MFSD6L: variants seen among roughly 807,000 people sequenced by gnomAD.
MFSD6L encodes the protein major facilitator superfamily domain-containing protein 6-like.
A neutral mutation model predicts 6.4 loss-of-function variants in MFSD6L; 9 were observed. The ratio of observed to expected loss-of-function variants is 1.42; its 90% CI spans 0.85 to 2.47. The LOEUF (loss-of-function observed/expected upper bound fraction) is 2.47. Among genes scored for constraint, MFSD6L ranks in the 30% most tolerant of loss-of-function variants. MFSD6L has a pLI of 0.00. For synonymous variants in MFSD6L, 336 were observed against 322.4 expected, an observed-to-expected ratio of 1.04 and a Z score of -0.45; for missense variants, 747 against 730.6, an observed-to-expected ratio of 1.02 and a Z score of -0.26.
Position 8,797,243 on chromosome 17 carries a change from A to T in MFSD6L, c.*117T>A, listed in dbSNP as rs2087006175. 2.2e-6 allele frequency: 2 copies of T among 906,144 alleles called. No individual in the cohort carries two copies. Among genetic ancestry groups the T allele is most frequent in the Non-Finnish European group, 3.2e-6 (2 of 618,858 alleles). 56.1% of individuals were successfully genotyped at this position (906,144 alleles called of 1,614,324 possible). A position where few individuals can be genotyped will look rare whatever the true frequency, so the allele number is the denominator to read the frequency against. ...CCTGTTGGGCCTTCAGCACAGACCC[A>T]TCCTCTCTTCCCCGGCTCCCAGCAG... is the stretch of plus-strand genomic sequence containing the variant. On this transcript the variant is annotated 3_prime_UTR_variant, in exon 1 of 1. Transcript: ENST00000329805.
rs1330995058 is a variant in MFSD6L at position 8,799,025 on chromosome 17, CG to C, written c.95del (p.Pro32ArgfsTer3). On this transcript the variant is annotated frameshift_variant, in exon 1 of 1. Coordinates refer to ENST00000329805, the MANE Select transcript of MFSD6L (RefSeq NM_152599.4). LOFTEE classifies it low-confidence loss of function (END_TRUNC). The surrounding 1 kb of genome is among the most constrained non-coding windows in gnomAD (Gnocchi z 5.3). ...GCTGCCTCAGGTAAAGGGTCAGGAA[CG>C]GGGTCACGCAGGCTTCCCGCACCCC... ...VCGVREACVT[P>X]FLTLYLRQLG... 6.2e-7 allele frequency: 1 copy of C among 1,613,382 alleles called. No homozygotes were observed. The highest frequency in any genetic ancestry group is 8.5e-7 in the Non-Finnish European group (1 of 1,179,876).
Position 8,797,951 on chromosome 17 carries a change from G to A in MFSD6L, c.1170C>T (p.Phe390=). Residue 390 remains phenylalanine, a synonymous_variant, in exon 1 of 1, where the codon TTC becomes TTT. Coordinates refer to ENST00000329805, the MANE Select transcript of MFSD6L (RefSeq NM_152599.4). ...CGCTCCCATGGTCCTTCATGTGCCA[G>A]AACAGAAAGTTCTGGACAGTACTGA... ...AIVSTVQNFL[F]WHMKDHGSGE... The A allele has an allele frequency of 6.2e-7, 1 of 1,614,008 alleles. No homozygotes were observed.
rs1188874764 is a variant in MFSD6L, at chr17:8,797,575, T to G, written c.1546A>C (p.Met516Leu). The change falls in exon 1 of 1, where the codon ATG becomes CTG. Residue 516 changes from methionine (M) to leucine (L), a missense_variant. Transcript: ENST00000329805. ...TAGAGCACAGCCAGGCTGAAGCGCA[T>G]CACCACGAAGCCCCCGACAAAGCTG... ...LGSFVGGFVVMRFSLAVLYQA... is the reference protein window; with the variant it reads ...LGSFVGGFVVLRFSLAVLYQA... 5.0e-6 allele frequency: 8 copies of G among 1,613,450 alleles called. No individual in the cohort carries two copies. Among genetic ancestry groups the G allele is most frequent in the Non-Finnish European group, 6.8e-6 (8 of 1,179,738 alleles).
rs1208437689 is a variant in MFSD6L at position 8,797,332 on chromosome 17, T to C, written c.*28A>G. 3 of 1,532,870 alleles carry C rather than the reference T, an allele frequency of 2.0e-6. No homozygotes were observed. Among genetic ancestry groups the C allele is most frequent in the African/African-American group, 1.4e-5 (1 of 72,432 alleles). The allele number at this position is 1,532,870 out of a possible 1,614,324, so 95.0% of individuals were successfully genotyped here. The stretch of plus-strand genomic sequence containing the variant: ...TTCAGTCCATTCGTTCCTTGCTGGA[T>C]CAGCACACTCTGGATTTCTCAGCCC... On this transcript the variant is annotated 3_prime_UTR_variant, in exon 1 of 1. Coordinates refer to ENST00000329805, the MANE Select transcript of MFSD6L (RefSeq NM_152599.4).
Position 8,798,469 on chromosome 17 carries a change from C to G in MFSD6L, c.652G>C (p.Gly218Arg). 6.2e-7 allele frequency: 1 copy of G among 1,607,254 alleles called. No homozygotes were observed. Among genetic ancestry groups the G allele is most frequent in the Non-Finnish European group, 8.5e-7 (1 of 1,175,964 alleles). ...TALPLLPGGK[G>R]PGNPANLSGT... ...GACAAATTGGCTGGATTCCCGGGCC[C>G]TTTCCCCCCAGGAAGCAAGGGGAGG... The change falls in exon 1 of 1, where the codon GGG (glycine) becomes CGG (arginine). Residue 218 changes from glycine (G) to arginine (R), a missense_variant. Transcript: ENST00000329805.
In MFSD6L at chr17:8,798,116, T is replaced by C. The variant is rs2087015857; in HGVS notation, c.1005A>G (p.Leu335=). Reference sequence around the variant, plus strand: ...GAATGGGAAAGGCAATGCTCACCAGTAAGGCCAGGGTGCTGACCACCGAGT... The same window carrying C: ...GAATGGGAAAGGCAATGCTCACCAGCAAGGCCAGGGTGCTGACCACCGAGT... ...YGYSVVSTLA[L]LVSIAFPIPI... The change falls in exon 1 of 1, where the codon TTA becomes TTG. Residue 335 remains leucine, a synonymous_variant. Coordinates refer to ENST00000329805, the MANE Select transcript of MFSD6L (RefSeq NM_152599.4). The C allele has an allele frequency of 6.2e-7, 1 of 1,613,844 alleles. No individual in the cohort carries two copies. The highest frequency in any genetic ancestry group is 1.3e-5 in the African/African-American group (1 of 74,974).
At position 8,797,664 on chromosome 17, in the gene MFSD6L, C is replaced by T. The variant is rs2242373; in HGVS notation, c.1457G>A (p.Arg486His). The T allele has an allele frequency of 0.19, 307,631 of 1,613,094 alleles. 30,481 individuals are homozygous for T. The highest frequency in any genetic ancestry group is 0.28 in the South Asian group (25,260 of 91,062). ...CAAGGCACTCAGAGCCCTCTCCATG[C>T]GGGGAGTGGCCAGGTCCTCTACTGA... ...GASVEDLATP[R>H]MERALSALFR... The change falls in exon 1 of 1, where the codon CGC becomes CAC. Residue 486 changes from arginine to histidine, a missense_variant. Coordinates refer to ENST00000329805, the MANE Select transcript of MFSD6L (RefSeq NM_152599.4).
chr17:8,797,973 C>G lies in MFSD6L; in HGVS notation c.1148G>C (p.Ser383Thr). The G allele has an allele frequency of 6.2e-7, 1 of 1,614,012 alleles. No homozygotes were observed. Among genetic ancestry groups the G allele is most frequent in the Non-Finnish European group, 8.5e-7 (1 of 1,180,028 alleles). Residue 383 changes from serine to threonine, a missense_variant, in exon 1 of 1, where the codon AGT (serine) becomes ACT (threonine). Physicochemically the swap from Ser to Thr is moderately conservative, Grantham distance 58 (BLOSUM62 1). Transcript: ENST00000329805. ...CCAGAACAGAAAGTTCTGGACAGTA[C>G]TGACGATGGCTCCTACCAAAACAGT... Reference protein sequence around the residue: ...STTVLVGAIVSTVQNFLFWHM... With the variant: ...STTVLVGAIVTTVQNFLFWHM...
Position 8,798,991 on chromosome 17 carries a change from C to G in MFSD6L, c.130G>C (p.Ala44Pro). The stretch of plus-strand genomic sequence containing the variant: ...ATTAGGGTGCCCACCCAGGGCGCGG[C>G]CAAGCCCAGCTGCCTCAGGTAAAGG... The part of the protein sequence containing the change: ...LTLYLRQLGL[A>P]APWVGTLMGT... Residue 44 changes from alanine to proline, a missense_variant, in exon 1 of 1, where the codon GCC (alanine) becomes CCC (proline). By Grantham distance (27) the Ala-to-Pro change is conservative. Transcript: ENST00000329805. The G allele has an allele frequency of 6.2e-7, 1 of 1,613,834 alleles. No individual in the cohort carries two copies. Among genetic ancestry groups the G allele is most frequent in the Non-Finnish European group, 8.5e-7 (1 of 1,179,984 alleles).
In MFSD6L at chr17:8,798,118, A is replaced by G; in HGVS notation, c.1003T>C (p.Leu335=). 6.2e-7 allele frequency: 1 copy of G among 1,613,692 alleles called. No individual in the cohort carries two copies. The highest frequency in any genetic ancestry group is 8.5e-7 in the Non-Finnish European group (1 of 1,179,946). The change falls in exon 1 of 1, where the codon TTA becomes CTA. Residue 335 remains leucine, a synonymous_variant. Transcript: ENST00000329805. ...ATGGGAAAGGCAATGCTCACCAGTA[A>G]GGCCAGGGTGCTGACCACCGAGTAC... ...YGYSVVSTLA[L]LVSIAFPIPI...
chr17:8,798,154 G>C lies in MFSD6L; in HGVS notation c.967C>G (p.His323Asp), dbSNP rs367887663. ...CTGACCACCGAGTACCCATAGAAGTGGACCACACCTCGGGGGCCACTGGTC... is the reference window on the plus strand; with the variant it reads ...CTGACCACCGAGTACCCATAGAAGTCGACCACACCTCGGGGGCCACTGGTC... ...LMTSGPRGVV[H>D]FYGYSVVSTL... Residue 323 changes from histidine to aspartate, a missense_variant, in exon 1 of 1, where the codon CAC becomes GAC. Transcript: ENST00000329805. The C allele has an allele frequency of 8.3e-5, 134 of 1,613,546 alleles. No homozygotes were observed. Among genetic ancestry groups the C allele is most frequent in the Non-Finnish European group, 1.1e-4 (125 of 1,180,008 alleles).
chr17:8,798,947 G>T lies in MFSD6L; in HGVS notation c.174C>A (p.Ile58=). ...VGTLMGTKHL[I]AAFWAPVCAF... is the part of the protein sequence containing the mutation. The stretch of plus-strand genomic sequence containing the variant: ...CACAGACGGGAGCCCAGAAGGCAGC[G>T]ATTAGGTGCTTGGTTCCCATTAGGG... The change falls in exon 1 of 1, where the codon ATC becomes ATA. Residue 58 remains isoleucine (I), a synonymous_variant. Transcript: ENST00000329805. 1 of 1,613,796 alleles carries T rather than the reference G, an allele frequency of 6.2e-7. No homozygotes were observed. Among genetic ancestry groups the T allele is most frequent in the Non-Finnish European group, 8.5e-7 (1 of 1,179,866 alleles).
Position 8,797,210 on chromosome 17 carries a change from G to A in MFSD6L, c.*150C>T. The A allele has an allele frequency of 3.7e-6, 2 of 542,126 alleles. No homozygotes were observed. Among genetic ancestry groups the A allele is most frequent in the Non-Finnish European group, 3.0e-6 (1 of 333,724 alleles). The allele number at this position is 542,126 out of a possible 1,614,324, so 33.6% of individuals were successfully genotyped here. ...TCAAAAGTAAAGAAAATCATGCAAT[G>A]AGATGATCCTGTTGGGCCTTCAGCA... is the stretch of plus-strand genomic sequence containing the variant. On this transcript the variant is annotated 3_prime_UTR_variant, in exon 1 of 1. Coordinates refer to ENST00000329805, the MANE Select transcript of MFSD6L (RefSeq NM_152599.4).
chr17:8,798,136 C>G lies in MFSD6L; in HGVS notation c.985G>C (p.Val329Leu). 1.2e-6 allele frequency: 2 copies of G among 1,613,902 alleles called. No homozygotes were observed. Among genetic ancestry groups the G allele is most frequent in the Non-Finnish European group, 1.7e-6 (2 of 1,180,036 alleles). ...ACCAGTAAGGCCAGGGTGCTGACCA[C>G]CGAGTACCCATAGAAGTGGACCACA... Reference protein sequence around the residue: ...RGVVHFYGYSVVSTLALLVSI... With the variant: ...RGVVHFYGYSLVSTLALLVSI... The change falls in exon 1 of 1, where the codon GTG becomes CTG. Residue 329 changes from valine to leucine, a missense_variant. Physicochemically the swap from Val to Leu is conservative, Grantham distance 32 (BLOSUM62 1). Transcript: ENST00000329805.
Position 8,797,801 on chromosome 17 carries a change from G to A in MFSD6L, c.1320C>T (p.Cys440=). Residue 440 remains cysteine (C), a synonymous_variant, in exon 1 of 1, where the codon TGC becomes TGT. Coordinates refer to ENST00000329805, the MANE Select transcript of MFSD6L (RefSeq NM_152599.4). ...AGTAGTACAGCAGCTGCCCAGCGAG[G>A]CAGCTCAGCCCCAGCCCCACCAGGC... is the stretch of plus-strand genomic sequence containing the variant. ...RTGLVGLGLS[C]LAGQLLYYSF... The A allele has an allele frequency of 6.2e-7, 1 of 1,613,978 alleles. No homozygotes were observed. Among genetic ancestry groups the A allele is most frequent in the Non-Finnish European group, 8.5e-7 (1 of 1,180,018 alleles).
Position 8,798,707 on chromosome 17 carries a change from G to A in MFSD6L, c.414C>T (p.Ser138=). 1 of 1,614,096 alleles carries A rather than the reference G, an allele frequency of 6.2e-7. No individual in the cohort carries two copies. The highest frequency in any genetic ancestry group is 1.1e-5 in the South Asian group (1 of 91,080). ...CTGCAGTCCTCTTGGCTGGGTGGCTGGAGGCAGACTCTTGGGCCGAGGTGA... is the reference window on the plus strand; with the variant it reads ...CTGCAGTCCTCTTGGCTGGGTGGCTAGAGGCAGACTCTTGGGCCGAGGTGA... The part of the protein sequence containing the change: ...VNITSAQESA[S]SHPAKRTAEV... Residue 138 remains serine, a synonymous_variant, in exon 1 of 1, where the codon TCC becomes TCT. Coordinates refer to ENST00000329805, the MANE Select transcript of MFSD6L (RefSeq NM_152599.4).
rs1597365109 is a variant in MFSD6L, at chr17:8,797,141, C to T, written c.*219G>A. On this transcript the variant is annotated 3_prime_UTR_variant, in exon 1 of 1. Transcript: ENST00000329805. ...TTAAAAAGCAAATGTATTCTTCCTCCATTATCTAAAAAAGATTGGCAAAAA... is the reference window on the plus strand; with the variant it reads ...TTAAAAAGCAAATGTATTCTTCCTCTATTATCTAAAAAAGATTGGCAAAAA... 2.2e-6 allele frequency: 1 copy of T among 454,478 alleles called. No homozygotes were observed. The highest frequency in any genetic ancestry group is 3.9e-5 in the Admixed American group (1 of 25,936). 28.2% of individuals were successfully genotyped at this position (454,478 alleles called of 1,614,324 possible).
In MFSD6L at chr17:8,797,634, C is replaced by T. The variant is rs560667897; in HGVS notation, c.1487G>A (p.Arg496Gln). 27 of 1,613,266 alleles carry T rather than the reference C, an allele frequency of 1.7e-5. No homozygotes were observed. Among genetic ancestry groups the T allele is most frequent in the Admixed American group, 3.3e-5 (2 of 60,022 alleles). Residue 496 changes from arginine (R) to glutamine (Q), a missense_variant, in exon 1 of 1, where the codon CGA becomes CAA. By Grantham distance (43) the Arg-to-Gln change is conservative. Coordinates refer to ENST00000329805, the MANE Select transcript of MFSD6L (RefSeq NM_152599.4). ...ACAGCCACTCCCGTAAAAGTGGCCT[C>T]GGAACAAGGCACTCAGAGCCCTCTC... Reference protein sequence around the residue: ...RMERALSALFRGHFYGSGCSL... With the variant: ...RMERALSALFQGHFYGSGCSL...
Position 8,799,108 on chromosome 17 carries a change from G to T in MFSD6L, c.13C>A (p.Pro5Thr), listed in dbSNP as rs769435661. Residue 5 changes from proline to threonine, a missense_variant, in exon 1 of 1, where the codon CCC (proline) becomes ACC (threonine). Transcript: ENST00000329805. The surrounding 1 kb of genome is among the most constrained non-coding windows in gnomAD (Gnocchi z 5.3). ...AGCGCCCTGCTGATGTCCCACCGGGGGTTGGCACTCATGGCTGCCGGGCTC... is the reference window on the plus strand; with the variant it reads ...AGCGCCCTGCTGATGTCCCACCGGGTGTTGGCACTCATGGCTGCCGGGCTC... MSAN[P>T]RWDISRALGV... 6.4e-7 allele frequency: 1 copy of T among 1,559,418 alleles called. No individual in the cohort carries two copies. The highest frequency in any genetic ancestry group is 8.7e-7 in the Non-Finnish European group (1 of 1,151,968).
Sources: gnomAD v4.1 joint callset for allele counts on GRCh38, gnomAD v4.1.1 for gene constraint, Gnocchi (gnomAD v3.1) non-coding constraint, MANE v1.5 for transcripts, NCBI Gene and HGNC (gene_info 2026-07-23, HGNC 2026-07-21) for gene names.